The following ZFAT variants were observed in gnomAD, a reference collection of about 807,000 sequenced individuals.
ZFAT encodes zinc finger and AT-hook domain containing, also known as zinc finger protein ZFAT.
In ZFAT, 64 loss-of-function variants were observed where a neutral mutation model predicts 117.7. The ratio of observed to expected loss-of-function variants is 0.54; its 90% CI spans 0.44 to 0.67. ZFAT has a LOEUF of 0.67. Ranked by LOEUF, ZFAT falls within the 30% of genes least tolerant of loss-of-function variation. The pLI is 0.00. For synonymous variants in ZFAT, 679 were observed against 615.0 expected (o/e 1.10, Z -1.54); for missense variants, 1,433 against 1,584.5 (o/e 0.90, Z 1.62).
chr8:134,689,097 G>A (rs1345539577), intron 1 of ZFAT, among the ~76,000 whole-genome samples: 1 of 152,124 alleles, frequency 6.6e-6, no homozygotes, highest in East Asian at 1.9e-4. Context: ...CTGGGAAGAG[G>A]GGCCTAAAGC....
At chr8:134,547,899 A>G (rs1317197973) in intron 11 of ZFAT, among the ~76,000 whole-genome samples, 4 of 152,132 alleles carry the variant, frequency 2.6e-5, no homozygotes, top group Non-Finnish European at 5.9e-5. Context: ...TCCTTTCTAA[A>G]GCACTTACAC....
chr8:134,486,144 T>A (rs1370065872), intron 15 of ZFAT, among the ~76,000 whole-genome samples: 1 of 152,222 alleles, frequency 6.6e-6, no homozygotes, highest in East Asian at 1.9e-4. Context: ...AGAATGACAG[T>A]GGGATGGCAT....
At chr8:134,749,756 C>T in the ZFAT span, among the ~76,000 whole-genome samples, 1 of 152,178 alleles carries the variant, frequency 6.6e-6, no homozygotes, top group Non-Finnish European at 1.5e-5. Context: ...TTACCTATAG[C>T]CACTTCTGTC....
Position 134,602,351 on chromosome 8 carries a change from G to A in ZFAT, c.1368C>T (p.Phe456=), listed in dbSNP as rs199567565. 3.0e-5 allele frequency: 49 copies of A among 1,613,696 alleles called. No homozygotes were observed. Among genetic ancestry groups the A allele is most frequent in the African/African-American group, 1.7e-4 (13 of 74,942 alleles). Residue 456 remains phenylalanine, a synonymous_variant, in exon 6 of 16, where the codon TTC becomes TTT. Transcript: ENST00000377838. ...ALELHVRKHP[F]VYVCAVCRKK... ...TGCGGCAGACGGCACAGACGTACAC[G>A]AAGGGGTGCTTCCTGACATGCAGTT...
At chr8:134,559,496 C>A (rs1019147365) in intron 11 of ZFAT, among the ~76,000 whole-genome samples, 8 of 152,204 alleles carry the variant, frequency 5.3e-5, no homozygotes, top group African/African-American at 7.2e-5. Flanking sequence ...TAATGGATAA[C>A]CCTGCACAGT....
At chr8:134,613,618 G>A (rs1039938898) in intron 3 of ZFAT, among the ~76,000 whole-genome samples, 5 of 152,018 alleles carry the variant, frequency 3.3e-5, no homozygotes, top group Non-Finnish European at 2.9e-5. Flanking sequence ...CCCAATACCC[G>A]TCCCTCCTGG....
intron 13 of ZFAT, among the ~76,000 whole-genome samples, chr8:134,513,770 C>T (rs556277344): frequency 6.6e-6 from 1 of 152,276 alleles, no homozygotes; most frequent in African/African-American, 2.4e-5. Flanking sequence ...CCAAGTTATG[C>T]TCTATAAGCA....
intron 3 of ZFAT, among the ~76,000 whole-genome samples, chr8:134,617,695 C>T (rs892846910): frequency 3.9e-5 from 6 of 152,232 alleles, no homozygotes; most frequent in Non-Finnish European, 8.8e-5. Flanking sequence ...CACTACAAAA[C>T]AGACAGTTTG....
Position 134,711,592 on chromosome 8 carries a change from G to A in ZFAT, c.19+1253C>T, listed in dbSNP as rs549119088. 3.9e-5 allele frequency among the ~76,000 whole-genome samples: 6 copies of A among 152,180 alleles called. No homozygotes were observed. The East Asian group carries it at 1.2e-3, about 29-fold the overall frequency. ...ACCCGAGATTGCACCATTGCACCCC[G>A]GCCTGAGTGATAGTGCGGGACTCTG... On this transcript the variant is annotated intron_variant, in intron 1 of 15. Coordinates refer to ENST00000377838, the MANE Select transcript of ZFAT (RefSeq NM_020863.4).
intron 3 of ZFAT, among the ~76,000 whole-genome samples, chr8:134,618,562 T>A (rs1308592727): frequency 2.0e-5 from 3 of 152,148 alleles, no homozygotes; most frequent in African/African-American, 7.2e-5. Flanking sequence ...CTCAATTTGG[T>A]TAAATATTCA....
chr8:134,505,689 C>G (rs1045955694), intron 15 of ZFAT, among the ~76,000 whole-genome samples: 1 of 152,042 alleles, frequency 6.6e-6, no homozygotes, highest in Non-Finnish European at 1.5e-5. Flanking sequence ...AAGGGAGCCT[C>G]GGGTCAAGGA....
At chr8:134,484,979 A>G (rs534321187) in intron 15 of ZFAT, among the ~76,000 whole-genome samples, 1 of 152,252 alleles carries the variant, frequency 6.6e-6, no homozygotes, top group Admixed American at 6.5e-5. Flanking sequence ...AATGATGATG[A>G]TGATGGAGAC....
intron 1 of ZFAT, among the ~76,000 whole-genome samples, chr8:134,675,139 T>C (rs1301012082): frequency 6.6e-6 from 1 of 152,104 alleles, no homozygotes; most frequent in South Asian, 2.1e-4. Flanking sequence ...CTTCAGAAGG[T>C]GGGTAATAAA....
chr8:134,662,987 T>TGCACGCACAGACAC (rs1459699588), intron 1 of ZFAT, among the ~76,000 whole-genome samples: 11 of 152,378 alleles, frequency 7.2e-5, no homozygotes, highest in African/African-American at 2.6e-4. Flanking sequence ...AGCGCAGACA[T>TGCACGCACAGACAC]GCACGCACAG....
chr8:134,529,841 G>A (rs1550582), intron 12 of ZFAT, among the ~76,000 whole-genome samples: 34,430 of 152,162 alleles, frequency 0.23, 4,253 homozygotes, highest in South Asian at 0.38. Flanking sequence ...CTTGGGAAGA[G>A]CCTTAGCAGC....
rs757389380 is a variant in ZFAT at position 134,509,605 on chromosome 8, AG to A, written c.3492+13del. On this transcript the variant is annotated intron_variant, in intron 15 of 15. Transcript: ENST00000377838. ...ACACACAGAGATGAATAGTTACAGA[AG>A]GAGGGTCCCTACCTGCTTAACCACA... 4 of 1,613,114 alleles carry A rather than the reference AG, an allele frequency of 2.5e-6. No individual in the cohort carries two copies. The East Asian group carries it at 8.9e-5, about 36-fold the overall frequency.
intron 14 of ZFAT, among the ~76,000 whole-genome samples, chr8:134,511,863 C>T (rs1554635100): frequency 6.6e-6 from 1 of 152,094 alleles, no homozygotes; most frequent in Non-Finnish European, 1.5e-5. Flanking sequence ...TTGGGAAGGA[C>T]TTGGAGAATG....
At chr8:134,527,973 C>T (rs757137094) in intron 12 of ZFAT, among the ~76,000 whole-genome samples, 1 of 152,162 alleles carries the variant, frequency 6.6e-6, no homozygotes. Flanking sequence ...CAATTAGCCT[C>T]GGGGATGAAG....
intron 11 of ZFAT, among the ~76,000 whole-genome samples, chr8:134,545,825 CTTCATAATTA>C (rs1339413127): frequency 2.6e-5 from 4 of 152,200 alleles, no homozygotes; most frequent in Non-Finnish European, 5.9e-5. Context: ...CAAGTGTTCA[CTTCATAATTA>C]TTCATCACAC....
Sources: gnomAD v4.1 joint callset for allele counts (sites outside exome capture counted in the v4.1 genomes callset) on GRCh38, gnomAD v4.1.1 for gene constraint, MANE v1.5 for transcripts, NCBI Gene and HGNC (gene_info 2026-07-23, HGNC 2026-07-21) for gene names.